Variants in SYT9 observed in about 807,000 individuals in gnomAD.
The protein encoded by SYT9 is synaptotagmin 9.
In SYT9, 22 loss-of-function variants were observed where a neutral mutation model predicts 48.4. The ratio of observed to expected loss-of-function variants is 0.45; its 90% CI spans 0.32 to 0.65. SYT9 has a LOEUF of 0.65. Ranked by LOEUF, SYT9 falls within the 30% of genes least tolerant of loss-of-function variation. SYT9 has a pLI of 0.03. For missense variants in SYT9, 577 were observed against 622.0 expected (o/e 0.93, Z 0.77); for synonymous variants, 265 against 245.0 (o/e 1.08, Z -0.76).
At position 7,406,535 on chromosome 11, in the gene SYT9, C is replaced by CATATATATAT. The variant is rs57371051; in HGVS notation, c.1045-9483_1045-9474dup. Among the ~76,000 whole-genome samples the CATATATATAT allele has an allele frequency of 1.3e-3, 173 of 135,316 alleles. 1 individual carries two copies. The highest frequency in any genetic ancestry group is 1.9e-3 in the African/African-American group (69 of 35,946). 88.8% of individuals were successfully genotyped at this position (135,316 alleles called of 152,430 possible). On this transcript the variant is annotated intron_variant, in intron 3 of 6. Coordinates refer to ENST00000318881, the MANE Select transcript of SYT9 (RefSeq NM_175733.4). Reference sequence around the variant, plus strand: ...TATGGCTGAATAATGTTCAATTGCGCATATATATATATATATATATATATA... The same window carrying CATATATATAT: ...TATGGCTGAATAATGTTCAATTGCGCATATATATATATATATATATATATATATATATATA...
chr11:7,465,310 C>T (rs147776167), intron 6 of SYT9, among the ~76,000 whole-genome samples: 100 of 152,328 alleles, frequency 6.6e-4, no homozygotes, highest in Non-Finnish European at 1.2e-3. Flanking sequence ...GCAGTGAACA[C>T]ACTGGCTTTT....
chr11:7,387,471 T>C lies in SYT9; in HGVS notation c.1045-28571T>C, dbSNP rs114586126. Among the ~76,000 whole-genome samples the C allele has an allele frequency of 5.4e-3, 824 of 152,330 alleles. 6 individuals are homozygous for C. The highest frequency in any genetic ancestry group is 0.019 in the African/African-American group (779 of 41,592). On this transcript the variant is annotated intron_variant, in intron 3 of 6. Transcript: ENST00000318881. ...TGCTTATAAATTTTAATAATTTATCTGTAGTTGTCGGAATTTATTTTGCAT... is the reference window on the plus strand; with the variant it reads ...TGCTTATAAATTTTAATAATTTATCCGTAGTTGTCGGAATTTATTTTGCAT...
At chr11:7,371,840 T>A (rs973286299) in intron 3 of SYT9, among the ~76,000 whole-genome samples, 3 of 152,216 alleles carry the variant, frequency 2.0e-5, no homozygotes, top group Non-Finnish European at 2.9e-5. Context: ...TGTTCCTTTT[T>A]CGTTGTTAAA....
chr11:7,291,543 A>G (rs1026753394), intron 1 of SYT9, among the ~76,000 whole-genome samples: 1 of 152,316 alleles, frequency 6.6e-6, no homozygotes, highest in Admixed American at 6.5e-5. Flanking sequence ...ACAGCTCACC[A>G]GGACTCACCA....
intron 1 of SYT9, among the ~76,000 whole-genome samples, chr11:7,273,154 G>C (rs1242910491): frequency 1.1e-4 from 16 of 152,114 alleles, no homozygotes; most frequent in Non-Finnish European, 5.9e-5. Context: ...AAATGCAGAA[G>C]TAAGAGCAGG....
At chr11:7,376,755 C>T (rs751216637) in intron 3 of SYT9, among the ~76,000 whole-genome samples, 32 of 151,970 alleles carry the variant, frequency 2.1e-4, no homozygotes, top group Non-Finnish European at 3.1e-4. Context: ...CTAAAATTCT[C>T]ATAGGAATTT....
In SYT9 at chr11:7,252,464, A is replaced by C. The variant is rs1589886721; in HGVS notation, c.145+133A>C. 1 of 1,017,030 alleles carries C rather than the reference A, an allele frequency of 9.8e-7. No individual in the cohort carries two copies. Among genetic ancestry groups the C allele is most frequent in the Admixed American group, 4.2e-5 (1 of 23,578 alleles). The allele number at this position is 1,017,030 out of a possible 1,614,324, so 63.0% of individuals were successfully genotyped here. A position where few individuals can be genotyped will look rare whatever the true frequency, so the allele number is the denominator to read the frequency against. ...GGGCGGCCACCGAGCCAGGAGAGTG[A>C]TCAAGAACCAGCGCACTGTGGCCTG... On this transcript the variant is annotated intron_variant, in intron 1 of 6. Coordinates refer to ENST00000318881, the MANE Select transcript of SYT9 (RefSeq NM_175733.4). The surrounding 1 kb of genome is among the most constrained non-coding windows in gnomAD (Gnocchi z 6.3).
At chr11:7,424,820 C>T (rs1305076248) in intron 6 of SYT9, among the ~76,000 whole-genome samples, 1 of 152,200 alleles carries the variant, frequency 6.6e-6, no homozygotes, top group African/African-American at 2.4e-5. Context: ...GTACATACAG[C>T]TACAAAAGTT....
intron 3 of SYT9, among the ~76,000 whole-genome samples, chr11:7,356,950 T>TAA (rs1180969140): frequency 1.3e-5 from 2 of 152,182 alleles, no homozygotes; most frequent in Non-Finnish European, 2.9e-5. Context: ...CAGATTGTTA[T>TAA]TTAATTAAAA....
rs1364343978 is a variant in SYT9 at position 7,241,210 on chromosome 11, AC to A, written c.49+2295del. 3.7e-3 allele frequency among the ~76,000 whole-genome samples: 462 copies of A among 124,072 alleles called. 2 individuals are homozygous for A. The highest frequency in any genetic ancestry group is 0.018 in the African/African-American group (406 of 23,010). The allele number at this position is 124,072 out of a possible 152,430, so 81.4% of individuals were successfully genotyped here. On this transcript the variant is annotated intron_variant and NMD_transcript_variant, in intron 1 of 8. Coordinates refer to the SYT9 transcript ENST00000524820. ...AGAAGGAAGAGGTGTTATTTAAAAC[AC>A]ACACACACACACACACACACACACA... is the stretch of plus-strand genomic sequence containing the variant.
chr11:7,330,233 A>G (rs1308460209), intron 3 of SYT9, among the ~76,000 whole-genome samples: 9 of 152,336 alleles, frequency 5.9e-5, no homozygotes, highest in African/African-American at 1.9e-4. Context: ...CAATGTGTGC[A>G]TAATATACAC....
chr11:7,267,728 T>G (rs1314160376), intron 1 of SYT9, among the ~76,000 whole-genome samples: 4 of 151,452 alleles, frequency 2.6e-5, no homozygotes, highest in Non-Finnish European at 5.9e-5. Flanking sequence ...AAAGCATCAA[T>G]AAAACCAAAA....
chr11:7,285,941 CCTGTGG>C (rs1171086509), intron 1 of SYT9, among the ~76,000 whole-genome samples: 1 of 152,250 alleles, frequency 6.6e-6, no homozygotes, highest in Non-Finnish European at 1.5e-5. Flanking sequence ...GAGCTCCACC[CCTGTGG>C]CTTTGCAGGG....
Position 7,392,009 on chromosome 11 carries a change from T to C in SYT9, c.1045-24033T>C, listed in dbSNP as rs983614811. 2.0e-5 allele frequency among the ~76,000 whole-genome samples: 3 copies of C among 152,232 alleles called. No individual in the cohort carries two copies. The South Asian group carries it at 6.2e-4, about 32-fold the overall frequency. ...GCTTAATTTCCTTATAGATTCTGTA[T>C]ATTAGTCCTTAATTTAGATGCATAA... is the stretch of plus-strand genomic sequence containing the variant. On this transcript the variant is annotated intron_variant, in intron 3 of 6. Transcript: ENST00000318881.
upstream of SYT9, among the ~76,000 whole-genome samples, chr11:7,251,080 A>G (rs1182740726): frequency 2.0e-5 from 3 of 148,502 alleles, no homozygotes; most frequent in African/African-American, 2.5e-5. Flanking sequence ...TTATGTACCT[A>G]AAAGGCTTGT....
chr11:7,289,437 C>T (rs1025630791), intron 1 of SYT9, among the ~76,000 whole-genome samples: 1 of 152,130 alleles, frequency 6.6e-6, no homozygotes, highest in Non-Finnish European at 1.5e-5. Flanking sequence ...AGTTAATTAC[C>T]ACTGAACTAT....
intron 1 of SYT9, among the ~76,000 whole-genome samples, chr11:7,290,520 A>G (rs1848680882): frequency 6.6e-6 from 1 of 152,222 alleles, no homozygotes; most frequent in African/African-American, 2.4e-5. Context: ...ATCATTTTCA[A>G]TCATGATGAA....
At chr11:7,337,833 G>A (rs1849653765) in intron 3 of SYT9, among the ~76,000 whole-genome samples, 1 of 151,960 alleles carries the variant, frequency 6.6e-6, no homozygotes, top group African/African-American at 2.4e-5. Context: ...TTCTTATTTT[G>A]TGTGTCTGCC....
chr11:7,442,009 C>A (rs1847837607), intron 6 of SYT9, among the ~76,000 whole-genome samples: 1 of 152,068 alleles, frequency 6.6e-6, no homozygotes, highest in Non-Finnish European at 1.5e-5. Context: ...CTCCTGGGAG[C>A]AAACCATTTT....
Sources: allele counts gnomAD v4.1 joint callset (sites outside exome capture counted in the v4.1 genomes callset), GRCh38; gene constraint gnomAD v4.1.1; non-coding constraint Gnocchi (gnomAD v3.1); transcripts MANE v1.5; gene names NCBI Gene and HGNC (gene_info 2026-07-23, HGNC 2026-07-21).